NOP56: variants seen among roughly 807,000 people sequenced by gnomAD.
NOP56 encodes NOP56 ribonucleoprotein.
In NOP56, 31 loss-of-function variants were observed where a neutral mutation model predicts 58.3. The observed-to-expected ratio is 0.53, with a 90% CI of 0.40 to 0.72. The LOEUF (loss-of-function observed/expected upper bound fraction) is 0.72, where lower values mean the gene tolerates loss of function less well. NOP56 is among the 30% of genes least tolerant of loss of function. The pLI is 0.00. For synonymous variants in NOP56, 313 were observed against 282.8 expected (o/e 1.11, Z -1.07); for missense variants, 669 against 739.9 (o/e 0.90, Z 1.11).
intron 11 of NOP56, 70 bp downstream of exon 11, chr20:2,657,288 G>C: frequency 6.2e-7 from 1 of 1,603,362 alleles, no homozygotes; most frequent in Non-Finnish European, 8.5e-7. Context: ...CAAAGGATAT[G>C]CTGCATCAAG....
Position 2,654,842 on chromosome 20 carries a change from C to T in NOP56, c.464C>T (p.Ala155Val), listed in dbSNP as rs2086796503. Residue 155 changes from alanine to valine, a missense_variant, in exon 5 of 12, where the codon GCC becomes GTC. By Grantham distance (64) the Ala-to-Val change is moderately conservative. Around this residue, in one of 3 missense-constraint regions of NOP56, gnomAD observed 339 missense variants for 430.5 expected, o/e 0.79. Transcript: ENST00000329276. ...GGGCTGGGACACAGCTATTCCCGTGCCAAAGTTAAGTTTAATGTGAACCGG... is the reference window on the plus strand; with the variant it reads ...GGGCTGGGACACAGCTATTCCCGTGTCAAAGTTAAGTTTAATGTGAACCGG... ...QLGLGHSYSRAKVKFNVNRVD... is the reference protein window; with the variant it reads ...QLGLGHSYSRVKVKFNVNRVD... The T allele has an allele frequency of 2.5e-6, 4 of 1,614,066 alleles. No individual in the cohort carries two copies. The highest frequency in any genetic ancestry group is 1.1e-5 in the South Asian group (1 of 91,064).
intron 8 of NOP56, 118 bp from the exon 9 acceptor site, chr20:2,656,283 C>T: frequency 5.0e-6 from 8 of 1,604,460 alleles, no homozygotes; most frequent in South Asian, 4.5e-5. Flanking sequence ...GGGTAGAGAT[C>T]CAATCTGGCC....
intron 5 of NOP56, 62 bp from the exon 6 acceptor site, chr20:2,655,263 G>A (rs1251945028): frequency 6.3e-7 from 1 of 1,591,760 alleles, no homozygotes. Context: ...AGAAGGCAAG[G>A]CTGTAGCTCT....
rs764490986 is a variant in NOP56 at position 2,653,274 on chromosome 20, C to A, written c.94-5C>A. The A allele has an allele frequency of 6.8e-6, 11 of 1,611,102 alleles. No homozygotes were observed. The highest frequency in any genetic ancestry group is 9.3e-6 in the Non-Finnish European group (11 of 1,177,348). Reference sequence around the variant, plus strand: ...GGAAACCACTTAGCCTCTTTCTCCCCCCAGGTGGAGGAGTCTGTGCTCAAC... The same window carrying A: ...GGAAACCACTTAGCCTCTTTCTCCCACCAGGTGGAGGAGTCTGTGCTCAAC... On this transcript the variant is annotated splice_polypyrimidine_tract_variant and splice_region_variant and intron_variant, in intron 2 of 11. Coordinates refer to ENST00000329276, the MANE Select transcript of NOP56 (RefSeq NM_006392.4).
Position 2,657,168 on chromosome 20 carries a change from C to G in NOP56, c.1369C>G (p.Leu457Val). The G allele has an allele frequency of 1.9e-6, 3 of 1,614,174 alleles. No individual in the cohort carries two copies. Among genetic ancestry groups the G allele is most frequent in the Non-Finnish European group, 2.5e-6 (3 of 1,180,038 alleles). The change falls in exon 11 of 12, where the codon CTT (leucine) becomes GTT (valine). Residue 457 changes from leucine (L) to valine (V), a missense_variant. Transcript: ENST00000329276. ...GAAGGAAAAGAAACGGCTGGCTGCA[C>G]TTGCCCTCGCGTCTTCAGAAAACAG... ...LKKEKKRLAA[L>V]ALASSENSSS...
rs751125823 is a variant in NOP56 at position 2,656,141 on chromosome 20, T to A, written c.1010+107T>A. On this transcript the variant is annotated intron_variant, in intron 8 of 11. Coordinates refer to ENST00000329276, the MANE Select transcript of NOP56 (RefSeq NM_006392.4). ...CAGGGCTCCCTGACCTATACAGGCC[T>A]CTGCTATGGGGGTGATGGCCAGTCC... 1.5e-5 allele frequency: 24 copies of A among 1,611,106 alleles called. No individual in the cohort carries two copies. The Middle Eastern group carries it at 4.9e-4, about 33-fold the overall frequency.
chr20:2,657,126 GAGA>G lies in NOP56; in HGVS notation c.1332_1334del (p.Lys445del). The G allele has an allele frequency of 6.2e-7, 1 of 1,613,858 alleles. No homozygotes were observed. The highest frequency in any genetic ancestry group is 1.1e-5 in the South Asian group (1 of 90,864). On this transcript the variant is annotated inframe_deletion, in exon 11 of 12. Coordinates refer to ENST00000329276, the MANE Select transcript of NOP56 (RefSeq NM_006392.4). ...GATTACTAGGAAGCTGGAGAAACAG[GAGA>G]AGAAACGCTTAAAGAAGGAAAAGAA...
chr20:2,656,472 C>T lies in NOP56; in HGVS notation c.1082C>T (p.Ala361Val), dbSNP rs762429294. 2.5e-6 allele frequency: 4 copies of T among 1,614,154 alleles called. No homozygotes were observed. The South Asian group carries it at 4.4e-5, about 18-fold the overall frequency. Residue 361 changes from alanine (A) to valine (V), a missense_variant, in exon 9 of 12, where the codon GCT becomes GTT. Coordinates refer to ENST00000329276, the MANE Select transcript of NOP56 (RefSeq NM_006392.4). Reference sequence around the variant, plus strand: ...CACTCCACCTTCATTGGCCGAGCAGCTGCCAAGAACAAAGGCCGCATCTCC... The same window carrying T: ...CACTCCACCTTCATTGGCCGAGCAGTTGCCAAGAACAAAGGCCGCATCTCC... ...IFHSTFIGRA[A>V]AKNKGRISRY...
intron 3 of NOP56, chr20:2,653,799 G>A (rs572236386): frequency 8.3e-5 from 22 of 263,744 alleles, no homozygotes; most frequent in Non-Finnish European, 1.7e-4. Context: ...TTACAGGCCT[G>A]TGCCAGCCAC....
chr20:2,657,176 C>T lies in NOP56; in HGVS notation c.1377C>T (p.Leu459=), dbSNP rs757065627. The T allele has an allele frequency of 2.9e-5, 47 of 1,613,968 alleles. No homozygotes were observed. The highest frequency in any genetic ancestry group is 6.6e-5 in the South Asian group (6 of 91,084). Residue 459 remains leucine, a synonymous_variant, in exon 11 of 12, where the codon CTC becomes CTT. Coordinates refer to ENST00000329276, the MANE Select transcript of NOP56 (RefSeq NM_006392.4). ...AGAAACGGCTGGCTGCACTTGCCCT[C>T]GCGTCTTCAGAAAACAGCAGTAGTA... The part of the protein sequence containing the change: ...KEKKRLAALA[L]ASSENSSSTP...
rs747178745 is a variant in NOP56, at chr20:2,656,101, A to T, written c.1010+67A>T. On this transcript the variant is annotated intron_variant, in intron 8 of 11. Transcript: ENST00000329276. ...GGTGCCCACTGCTTGTTGGGGGATC[A>T]CGGTGATGGCTGACCAGGGCTCCCT... 3.7e-6 allele frequency: 6 copies of T among 1,613,584 alleles called. No individual in the cohort carries two copies. In the Admixed American group the frequency reaches 1.0e-4, roughly 27 times the overall value.
intron 2 of NOP56, 173 bp downstream of exon 2, chr20:2,653,104 G>A: frequency 3.9e-6 from 3 of 775,944 alleles, no homozygotes; most frequent in Middle Eastern, 3.9e-4. Context: ...AATCGCTCTA[G>A]CAATTAGAAA....
intron 8 of NOP56, 105 bp downstream of exon 8, chr20:2,656,139 C>G: frequency 6.2e-7 from 1 of 1,611,358 alleles, no homozygotes. Flanking sequence ...CCTATACAGG[C>G]CTCTGCTATG....
chr20:2,657,752 T>A, intron 11 of NOP56, 177 bp from the exon 12 acceptor site: 1 of 684,984 alleles, frequency 1.5e-6, no homozygotes, highest in Non-Finnish European at 2.4e-6. Context: ...TGACATGTTT[T>A]CCTTCTAATT....
chr20:2,653,039 G>T (rs2086770713), intron 2 of NOP56, 108 bp downstream of exon 2: 1 of 1,035,546 alleles, frequency 9.7e-7, no homozygotes, highest in Non-Finnish European at 1.4e-6. Flanking sequence ...TCGGGGCGGG[G>T]GGACGGGCCT....
Position 2,656,259 on chromosome 20 carries a change from G to T in NOP56, c.1011-142G>T, listed in dbSNP as rs1600159171. On this transcript the variant is annotated intron_variant, in intron 8 of 11. Transcript: ENST00000329276. The stretch of plus-strand genomic sequence containing the variant: ...TTCCCTCTGCCTCTGGGAGCTATGG[G>T]TTGGCATGCATTGGGGTAGAGATCC... 26 of 1,606,166 alleles carry T rather than the reference G, an allele frequency of 1.6e-5. No individual in the cohort carries two copies. The East Asian group carries it at 5.6e-4, about 34-fold the overall frequency.
chr20:2,655,597 A>T lies in NOP56; in HGVS notation c.760A>T (p.Met254Leu). 6.2e-7 allele frequency: 1 copy of T among 1,614,194 alleles called. No individual in the cohort carries two copies. Among genetic ancestry groups the T allele is most frequent in the Non-Finnish European group, 8.5e-7 (1 of 1,180,020 alleles). Residue 254 changes from methionine to leucine, a missense_variant and splice_region_variant, in exon 7 of 12, where the codon ATG becomes TTG. Met to Leu is a conservative substitution (Grantham distance 15). Around this residue, in one of 3 missense-constraint regions of NOP56, gnomAD observed 339 missense variants for 430.5 expected, o/e 0.79. Transcript: ENST00000329276. ...ILDASRSSMG[M>L]DISAIDLINI... is the part of the protein sequence containing the mutation. ...CATTCACACTTGGTTTTTCCTAGGC[A>T]TGGACATATCTGCCATTGACTTGAT...
In NOP56 at chr20:2,656,012, G is replaced by T; in HGVS notation, c.988G>T (p.Gly330Trp). The change falls in exon 8 of 12, where the codon GGG (glycine) becomes TGG (tryptophan). Residue 330 changes from glycine (G) to tryptophan (W), a missense_variant. Gly to Trp is a radical substitution (Grantham distance 184). Transcript: ENST00000329276. ...TCCAGCATCCACAGTGCAGATCCTT[G>T]GGGCTGAAAAGGCCCTGTTCAGGTA... ...KYPASTVQIL[G>W]AEKALFRALK... 6.2e-7 allele frequency: 1 copy of T among 1,614,184 alleles called. No individual in the cohort carries two copies. Among genetic ancestry groups the T allele is most frequent in the Non-Finnish European group, 8.5e-7 (1 of 1,180,048 alleles).
rs1188407716 is a variant in NOP56 at position 2,655,315 on chromosome 20, C to T, written c.570-10C>T. The T allele has an allele frequency of 9.3e-6, 15 of 1,614,066 alleles. No individual in the cohort carries two copies. The highest frequency in any genetic ancestry group is 1.3e-5 in the African/African-American group (1 of 74,926). On this transcript the variant is annotated splice_polypyrimidine_tract_variant and intron_variant, in intron 5 of 11. Coordinates refer to ENST00000329276, the MANE Select transcript of NOP56 (RefSeq NM_006392.4). ...CAGCTGGGCCAGGGAGTGACTGTGG[C>T]TCTTTGCAGGGAGTGGTACGGGTAT... is the stretch of plus-strand genomic sequence containing the variant.
Sources: gnomAD v4.1 joint callset for allele counts on GRCh38, gnomAD v4.1.1 for gene constraint, gnomAD v4.1.1 regional missense constraint, MANE v1.5 for transcripts, NCBI Gene and HGNC (gene_info 2026-07-23, HGNC 2026-07-21) for gene names.